The following BRINP1 variants were observed in gnomAD, a reference collection of about 807,000 sequenced individuals.
BRINP1 encodes BMP/retinoic acid-inducible neural-specific protein 1.
A neutral mutation model predicts 72.9 loss-of-function variants in BRINP1; 17 were observed. The observed-to-expected ratio is 0.23, with a 90% CI of 0.16 to 0.35. BRINP1 has a LOEUF of 0.35. BRINP1 is among the 10% of genes least tolerant of loss of function. The pLI is 1.00. For synonymous variants in BRINP1, 418 were observed against 378.5 expected (o/e 1.10, Z -1.21); for missense variants, 850 against 1,001.6 (o/e 0.85, Z 2.04).
At chr9:119,360,332 T>C (rs538036837) in intron 1 of BRINP1, among the ~76,000 whole-genome samples, 37 of 152,338 alleles carry the variant, frequency 2.4e-4, no homozygotes, top group African/African-American at 8.7e-4. Context: ...TGTGCAGATG[T>C]TTTTGTCGTC....
intron 2 of BRINP1, among the ~76,000 whole-genome samples, chr9:119,298,291 A>G (rs1334017168): frequency 6.6e-6 from 1 of 152,186 alleles, no homozygotes; most frequent in African/African-American, 2.4e-5. Context: ...TACCAAGCAC[A>G]TTTACTTTCA....
At chr9:119,356,846 G>C (rs770690470) in intron 1 of BRINP1, among the ~76,000 whole-genome samples, 9 of 151,282 alleles carry the variant, frequency 5.9e-5, no homozygotes, top group Non-Finnish European at 1.3e-4. Flanking sequence ...CAGAATGAAA[G>C]TCATATTTCA....
intron 7 of BRINP1, among the ~76,000 whole-genome samples, chr9:119,205,913 G>C (rs1425301293): frequency 4.6e-5 from 7 of 152,210 alleles, no homozygotes; most frequent in Non-Finnish European, 2.9e-5. Context: ...GGGATGCACA[G>C]CTTTTTCACC....
At chr9:119,324,787 C>T (rs1480436950) in intron 1 of BRINP1, among the ~76,000 whole-genome samples, 1 of 152,086 alleles carries the variant, frequency 6.6e-6, no homozygotes, top group Admixed American at 6.5e-5. Flanking sequence ...ACATGTGTAT[C>T]TTACAAAAAC....
chr9:119,170,829 A>G (rs1458652261), intron 7 of BRINP1, among the ~76,000 whole-genome samples: 1 of 145,422 alleles, frequency 6.9e-6, no homozygotes, highest in East Asian at 2.0e-4. Flanking sequence ...CCAATATTCA[A>G]CATTCTTAAA....
intron 7 of BRINP1, among the ~76,000 whole-genome samples, chr9:119,168,936 G>T (rs114521737): frequency 0.015 from 2,307 of 152,224 alleles, 47 homozygotes; most frequent in African/African-American, 0.051. Context: ...ATTCCTCAAG[G>T]AGCTACAATG....
At chr9:119,325,764 A>G (rs1336829461) in intron 1 of BRINP1, among the ~76,000 whole-genome samples, 1 of 152,162 alleles carries the variant, frequency 6.6e-6, no homozygotes, top group Admixed American at 6.5e-5. Flanking sequence ...AGATCCAGCC[A>G]TTCCCTATTG....
chr9:119,355,536 G>A (rs1240356509), intron 1 of BRINP1, among the ~76,000 whole-genome samples: 1 of 152,054 alleles, frequency 6.6e-6, no homozygotes, highest in Non-Finnish European at 1.5e-5. Context: ...AGACCATCCT[G>A]GCTAACATGG....
At chr9:119,197,682 C>T (rs1443051159) in intron 7 of BRINP1, among the ~76,000 whole-genome samples, 1 of 126,668 alleles carries the variant, frequency 7.9e-6, no homozygotes, top group Non-Finnish European at 1.6e-5. Context: ...GAGCACTGAA[C>T]ACTCTTGTCT....
chr9:119,213,175 C>A (rs918781016), intron 6 of BRINP1, among the ~76,000 whole-genome samples: 1 of 152,152 alleles, frequency 6.6e-6, no homozygotes, highest in Non-Finnish European at 1.5e-5. Context: ...ACCACATTGA[C>A]CCCCAACTCT....
intron 2 of BRINP1, among the ~76,000 whole-genome samples, chr9:119,250,081 A>AAAGG (rs1229817989): frequency 1.1e-4 from 8 of 74,538 alleles, no homozygotes; most frequent in East Asian, 3.6e-4. Flanking sequence ...AGGAAGGAAG[A>AAAGG]AAGGAAGGAA....
intron 1 of BRINP1, among the ~76,000 whole-genome samples, chr9:119,351,927 T>C (rs1489273018): frequency 6.6e-6 from 1 of 151,948 alleles, no homozygotes; most frequent in Non-Finnish European, 1.5e-5. Context: ...AGCCTCAGCC[T>C]CCTGAGTAGC....
At chr9:119,175,417 T>A (rs1304310278) in intron 7 of BRINP1, among the ~76,000 whole-genome samples, 1 of 152,098 alleles carries the variant, frequency 6.6e-6, no homozygotes, top group Non-Finnish European at 1.5e-5. Flanking sequence ...AAATACCTAA[T>A]GTAGATGATG....
chr9:119,353,282 C>T (rs575557330), intron 1 of BRINP1, among the ~76,000 whole-genome samples: 26 of 152,322 alleles, frequency 1.7e-4, no homozygotes, highest in Non-Finnish European at 3.5e-4. Flanking sequence ...TTCATTGCCT[C>T]CTTCTAACCT....
chr9:119,355,642 T>C (rs12339200), intron 1 of BRINP1, among the ~76,000 whole-genome samples: 29,529 of 150,176 alleles, frequency 0.2, 3,123 homozygotes, highest in Admixed American at 0.24. Flanking sequence ...GGCAGGAGAA[T>C]GGTGTGAACC....
chr9:119,268,285 T>TAGAC (rs1554752345), intron 2 of BRINP1, among the ~76,000 whole-genome samples: 4,011 of 148,604 alleles, frequency 0.027, 104 homozygotes, highest in South Asian at 0.07. Context: ...GATAGATAGA[T>TAGAC]AGATAGATAG....
At chr9:119,237,381 G>A (rs925649179) in intron 5 of BRINP1, among the ~76,000 whole-genome samples, 8 of 80,370 alleles carry the variant, frequency 1.0e-4, no homozygotes, top group Non-Finnish European at 1.6e-4. Flanking sequence ...ATTATTTTGA[G>A]GTGGAGTCTT....
chr9:119,167,894 C>A lies in BRINP1; in HGVS notation c.1476G>T (p.Leu492=). The A allele has an allele frequency of 1.2e-6, 2 of 1,614,234 alleles. No homozygotes were observed. Among genetic ancestry groups the A allele is most frequent in the Non-Finnish European group, 1.7e-6 (2 of 1,180,044 alleles). The part of the protein sequence containing the change: ...DFQDLELKYL[L]QKMDSRLYVH... ...CGTAGAGGCGTGAGTCCATCTTCTG[C>A]AGCAGGTACTTCAGCTCCAGGTCCT... Residue 492 remains leucine (L), a synonymous_variant, in exon 8 of 8, where the codon CTG becomes CTT. Transcript: ENST00000265922. The surrounding 1 kb of genome is among the most constrained non-coding windows in gnomAD (Gnocchi z 4.3).
At chr9:119,229,845 T>C (rs1436824320) in intron 5 of BRINP1, among the ~76,000 whole-genome samples, 1 of 152,092 alleles carries the variant, frequency 6.6e-6, no homozygotes, top group Non-Finnish European at 1.5e-5. Flanking sequence ...GATTCATTCA[T>C]GTATTCATTC....
Sources: gnomAD v4.1 joint callset for allele counts (sites outside exome capture counted in the v4.1 genomes callset) on GRCh38, gnomAD v4.1.1 for gene constraint, Gnocchi (gnomAD v3.1) non-coding constraint, MANE v1.5 for transcripts, NCBI Gene and HGNC (gene_info 2026-07-23, HGNC 2026-07-21) for gene names.